The following PIK3AP1 variants were observed in gnomAD, a reference collection of about 807,000 sequenced individuals.
PIK3AP1 encodes the protein phosphoinositide 3-kinase adapter protein 1.
PIK3AP1 carries 21 observed loss-of-function variants against 88.1 expected under a neutral mutation model. That is an observed-to-expected ratio of 0.24 (90% confidence interval 0.17 to 0.34). The LOEUF (loss-of-function observed/expected upper bound fraction) is 0.34, where lower values mean the gene tolerates loss of function less well. Ranked by LOEUF, PIK3AP1 falls within the 10% of genes least tolerant of loss-of-function variation. The pLI, the probability that PIK3AP1 is intolerant of heterozygous loss-of-function variation, is 1.00. For missense variants in PIK3AP1, 828 were observed against 1,035.7 expected (o/e 0.80, Z 2.75); for synonymous variants, 398 against 400.0 (o/e 1.00, Z 0.06).
chr10:96,667,130 A>G (rs1400747780), intron 2 of PIK3AP1, among the ~76,000 whole-genome samples: 3 of 152,242 alleles, frequency 2.0e-5, no homozygotes, highest in Non-Finnish European at 2.9e-5. Flanking sequence ...TTTCATGCCA[A>G]TGGAACCATC....
At chr10:96,690,042 CCTTCAGAGCAT>C (rs1844130460) in intron 2 of PIK3AP1, among the ~76,000 whole-genome samples, 1 of 152,136 alleles carries the variant, frequency 6.6e-6, no homozygotes, top group East Asian at 1.9e-4. Context: ...CCTAATCTGC[CCTTCAGAGCAT>C]CTTCAGACTA....
intron 16 of PIK3AP1, among the ~76,000 whole-genome samples, chr10:96,597,357 T>TCC (rs201840563): frequency 0.32 from 1,933 of 5,998 alleles, 111 homozygotes; most frequent in African/African-American, 0.36. Flanking sequence ...CCTCCCTCCC[T>TCC]CTCTCTCTCT....
At chr10:96,603,714 CAT>C (rs1246220989) in intron 15 of PIK3AP1, 2 of 295,388 alleles carry the variant, frequency 6.8e-6, no homozygotes, top group Non-Finnish European at 6.4e-6. Context: ...ACACACACCA[CAT>C]ATATATATAT....
intron 2 of PIK3AP1, chr10:96,700,888 G>T: frequency 1.0e-6 from 1 of 985,556 alleles, no homozygotes; most frequent in African/African-American, 1.7e-5. Flanking sequence ...TCTCAGGGCT[G>T]CTGCCTGTGA....
intron 2 of PIK3AP1, among the ~76,000 whole-genome samples, chr10:96,668,353 A>G (rs935879985): frequency 1.3e-5 from 2 of 152,180 alleles, no homozygotes; most frequent in Non-Finnish European, 2.9e-5. Flanking sequence ...TTCTCAAATG[A>G]CTGAAGTTTG....
intron 2 of PIK3AP1, among the ~76,000 whole-genome samples, chr10:96,696,499 A>T (rs569498684): frequency 6.6e-6 from 1 of 152,298 alleles, no homozygotes; most frequent in South Asian, 2.1e-4. Context: ...GCCATCTCAG[A>T]CCTACTCTGG....
At chr10:96,607,932 G>T (rs1330461844) in intron 14 of PIK3AP1, among the ~76,000 whole-genome samples, 1 of 152,328 alleles carries the variant, frequency 6.6e-6, no homozygotes, top group East Asian at 1.9e-4. Flanking sequence ...CATGGCAAGA[G>T]ATAACAGAAA....
chr10:96,646,112 T>C (rs1843456110), intron 7 of PIK3AP1, among the ~76,000 whole-genome samples: 1 of 151,996 alleles, frequency 6.6e-6, no homozygotes, highest in Non-Finnish European at 1.5e-5. Context: ...ATACAAAAAT[T>C]AGCCGGGCAT....
intron 2 of PIK3AP1, among the ~76,000 whole-genome samples, chr10:96,680,198 C>T (rs1038281291): frequency 2.0e-5 from 3 of 152,122 alleles, no homozygotes; most frequent in Non-Finnish European, 2.9e-5. Flanking sequence ...GAATGGAACA[C>T]CATTCTTGGT....
chr10:96,703,023 C>T (rs1844319582), intron 2 of PIK3AP1, among the ~76,000 whole-genome samples: 1 of 152,134 alleles, frequency 6.6e-6, no homozygotes, highest in African/African-American at 2.4e-5. Context: ...ATCACAGGCA[C>T]ATGCCACCAC....
At chr10:96,604,886 G>A (rs1273553465) in intron 14 of PIK3AP1, among the ~76,000 whole-genome samples, 1 of 151,858 alleles carries the variant, frequency 6.6e-6, no homozygotes, top group Non-Finnish European at 1.5e-5. Context: ...CCGAGACTGA[G>A]TTTTGCTTTG....
At chr10:96,636,457 C>T (rs1490257378) in intron 8 of PIK3AP1, among the ~76,000 whole-genome samples, 3 of 152,028 alleles carry the variant, frequency 2.0e-5, no homozygotes, top group Non-Finnish European at 4.4e-5. Context: ...AATATGACAA[C>T]CCCACATGTA....
Position 96,701,021 on chromosome 10 carries a change from A to G in PIK3AP1, c.430+8546T>C, listed in dbSNP as rs1188619547. 1.0e-5 allele frequency: 3 copies of G among 296,722 alleles called. No individual in the cohort carries two copies. The Admixed American group carries it at 1.9e-4, about 19-fold the overall frequency. 18.4% of individuals were successfully genotyped at this position (296,722 alleles called of 1,614,324 possible). ...CCTGTGACCCAAAAACCGAAAGACA[A>G]GACACCAGGCATGGAGCAAAGCTCA... On this transcript the variant is annotated intron_variant, in intron 2 of 16. Coordinates refer to ENST00000339364, the MANE Select transcript of PIK3AP1 (RefSeq NM_152309.3).
chr10:96,692,392 G>A (rs1844165497), intron 2 of PIK3AP1, among the ~76,000 whole-genome samples: 1 of 152,192 alleles, frequency 6.6e-6, no homozygotes, highest in Non-Finnish European at 1.5e-5. Context: ...TGGCCAACAT[G>A]GTGAAACCCC....
intron 2 of PIK3AP1, among the ~76,000 whole-genome samples, chr10:96,705,136 A>T (rs542204768): frequency 6.6e-6 from 1 of 152,334 alleles, no homozygotes; most frequent in African/African-American, 2.4e-5. Context: ...ATAAATTATA[A>T]AGTGAGGTAT....
At chr10:96,703,714 C>G (rs914722710) in intron 2 of PIK3AP1, among the ~76,000 whole-genome samples, 4 of 152,204 alleles carry the variant, frequency 2.6e-5, no homozygotes, top group Admixed American at 1.3e-4. Flanking sequence ...ATAGTCCAGT[C>G]TTCTATGCAC....
At chr10:96,715,042 A>AG (rs397751799) in intron 1 of PIK3AP1, among the ~76,000 whole-genome samples, 5 of 151,302 alleles carry the variant, frequency 3.3e-5, no homozygotes, top group Non-Finnish European at 1.5e-5. Flanking sequence ...GAAAAAAAAA[A>AG]GAGTAAATTT....
chr10:96,620,154 T>A (rs1213171069), intron 12 of PIK3AP1, among the ~76,000 whole-genome samples, 198 bp downstream of exon 12: 1 of 152,118 alleles, frequency 6.6e-6, no homozygotes, highest in Non-Finnish European at 1.5e-5. Context: ...GCTACCCAGC[T>A]CTCAGCCAGG....
chr10:96,673,504 C>G (rs116770167), intron 2 of PIK3AP1, among the ~76,000 whole-genome samples: 56 of 152,308 alleles, frequency 3.7e-4, no homozygotes, highest in African/African-American at 1.3e-3. Flanking sequence ...ACAGCCCCCC[C>G]CGAAAGGCTT....
Sources: allele counts gnomAD v4.1 joint callset (sites outside exome capture counted in the v4.1 genomes callset), GRCh38; gene constraint gnomAD v4.1.1; transcripts MANE v1.5; gene names NCBI Gene and HGNC (gene_info 2026-07-23, HGNC 2026-07-21).